ALPL: variants seen among roughly 807,000 people sequenced by gnomAD.
The protein encoded by ALPL is alkaline phosphatase, biomineralization associated, also known as alkaline phosphatase, tissue-nonspecific isozyme.
In ALPL, 42 loss-of-function variants were observed where a neutral mutation model predicts 51.3. That is an observed-to-expected ratio of 0.82 (90% CI 0.64 to 1.06). The LOEUF (loss-of-function observed/expected upper bound fraction) is 1.06. Among genes scored for constraint, ALPL ranks in the 50% least tolerant of loss-of-function variants. ALPL has a pLI of 0.00. For missense variants in ALPL, 589 were observed against 709.4 expected (o/e 0.83, Z 1.93); for synonymous variants, 279 against 296.4 (o/e 0.94, Z 0.60).
chr1:21,573,916 T>C, intron 9 of ALPL, 117 bp downstream of exon 9: 1 of 1,536,908 alleles, frequency 6.5e-7, no homozygotes, highest in South Asian at 1.2e-5. Context: ...GAGAGGTCCC[T>C]TTAGGAGAAT....
In ALPL at chr1:21,563,162, A is replaced by G. The variant is rs1374504617; in HGVS notation, c.350A>G (p.Tyr117Cys). Residue 117 changes from tyrosine to cysteine, a missense_variant, in exon 5 of 12, where the codon TAC becomes TGC. Coordinates refer to ENST00000374840, the MANE Select transcript of ALPL (RefSeq NM_000478.6). The part of the protein sequence containing the change: ...VPDSAGTATA[Y>C]LCGVKANEGT... ...GACAGTGCCGGCACCGCCACCGCCT[A>G]CCTGTGTGGGGTGAAGGCCAATGAG... 28 of 1,613,746 alleles carry G rather than the reference A, an allele frequency of 1.7e-5. No individual in the cohort carries two copies. Among genetic ancestry groups the G allele is most frequent in the Non-Finnish European group, 2.4e-5 (28 of 1,180,022 alleles).
rs1644367759 is a variant in ALPL at position 21,554,152 on chromosome 1, G to A, written c.61+10G>A. 4 of 1,613,414 alleles carry A rather than the reference G, an allele frequency of 2.5e-6. No individual in the cohort carries two copies. Among genetic ancestry groups the A allele is most frequent in the African/African-American group, 1.3e-5 (1 of 74,788 alleles). On this transcript the variant is annotated intron_variant, in intron 2 of 11. Coordinates refer to ENST00000374840, the MANE Select transcript of ALPL (RefSeq NM_000478.6). ...AACTCCTTAGTGCCAGGTATGCTTGGGGACACAGGTGGAGGCATAAAAAGG... is the reference window on the plus strand; with the variant it reads ...AACTCCTTAGTGCCAGGTATGCTTGAGGACACAGGTGGAGGCATAAAAAGG...
At chr1:21,521,994 C>T (rs902127609) in intron 1 of ALPL, among the ~76,000 whole-genome samples, 3 of 152,018 alleles carry the variant, frequency 2.0e-5, no homozygotes, top group African/African-American at 4.8e-5. Flanking sequence ...TGAAAGGTCA[C>T]TTGCATGACC....
intron 4 of ALPL, among the ~76,000 whole-genome samples, chr1:21,562,680 C>T (rs945002727): frequency 2.0e-5 from 3 of 151,920 alleles, no homozygotes; most frequent in Non-Finnish European, 4.4e-5. Context: ...CCTTCCCTTC[C>T]CCAGTCCCCT....
rs1177883341 is a variant in ALPL at position 21,520,217 on chromosome 1, T to C, written c.-105+10700T>C. Among the ~76,000 whole-genome samples, 8 of 152,268 alleles carry C rather than the reference T, an allele frequency of 5.3e-5. No homozygotes were observed. The East Asian group carries it at 1.5e-3, about 29-fold the overall frequency. ...ATAGTTGACTGCGGCCTTGACTTCCTGGGCTCAAGTGATCTCCTGCCTCAG... is the reference window on the plus strand; with the variant it reads ...ATAGTTGACTGCGGCCTTGACTTCCCGGGCTCAAGTGATCTCCTGCCTCAG... On this transcript the variant is annotated intron_variant, in intron 1 of 11. Coordinates refer to ENST00000374840, the MANE Select transcript of ALPL (RefSeq NM_000478.6).
intron 1 of ALPL, among the ~76,000 whole-genome samples, chr1:21,532,705 C>T (rs1435674195): frequency 6.6e-6 from 1 of 152,226 alleles, no homozygotes; most frequent in Non-Finnish European, 1.5e-5. Flanking sequence ...AAGACGTTCA[C>T]GGCTTCTGGA....
In ALPL at chr1:21,577,633, G is replaced by A. The variant is rs765641649; in HGVS notation, c.1560G>A (p.Leu520=). 3.1e-6 allele frequency: 5 copies of A among 1,598,494 alleles called. No individual in the cohort carries two copies. The highest frequency in any genetic ancestry group is 4.2e-6 in the Non-Finnish European group (5 of 1,179,210). The change falls in exon 12 of 12, where the codon CTG becomes CTA. Residue 520 remains leucine (L), a synonymous_variant. Transcript: ENST00000374840. ...PLLLALALYP[L]SVLF ...TGCTCGCGCTGGCCCTCTACCCCCT[G>A]AGCGTCCTGTTCTGAGGGCCCAGGG...
chr1:21,545,879 G>A (rs532388610), intron 1 of ALPL, among the ~76,000 whole-genome samples: 248 of 151,960 alleles, frequency 1.6e-3, no homozygotes, highest in African/African-American at 5.7e-3. Flanking sequence ...ACAGTGGCAC[G>A]ATCTCAGCTC....
intron 1 of ALPL, among the ~76,000 whole-genome samples, chr1:21,516,868 G>A (rs148985063): frequency 2.0e-3 from 308 of 152,234 alleles, no homozygotes; most frequent in African/African-American, 7.1e-3. Context: ...TTATACAGAT[G>A]CTCCTTGATT....
rs1461951231 is a variant in ALPL, at chr1:21,509,441, C to T, written c.-181C>T. On this transcript the variant is annotated 5_prime_UTR_variant, in exon 1 of 12. Transcript: ENST00000374840. The surrounding 1 kb of genome is among the most constrained non-coding windows in gnomAD (Gnocchi z 6.0). ...GGCCCGGGCCGCGTTGCGCTCCCGC[C>T]ACTCCGCGCCCGCTATCCTGGCTCC... The T allele has an allele frequency of 3.9e-5, 6 of 151,950 alleles. 1 individual carries two copies. Among genetic ancestry groups the T allele is most frequent in the Non-Finnish European group, 8.8e-5 (6 of 67,966 alleles). The allele number at this position is 151,950 out of a possible 1,614,324, so 9.4% of individuals were successfully genotyped here.
intron 10 of ALPL, among the ~76,000 whole-genome samples, chr1:21,576,277 GGATGGATGGGTGGA>G (rs1644734944): frequency 1.3e-5 from 2 of 149,130 alleles, no homozygotes; most frequent in South Asian, 4.3e-4. Flanking sequence ...ATGGGTGGAT[GGATGGATGGGTGGA>G]TGGATGGATG....
chr1:21,525,226 C>T (rs1414717169), intron 1 of ALPL, among the ~76,000 whole-genome samples: 1 of 152,228 alleles, frequency 6.6e-6, no homozygotes, highest in Non-Finnish European at 1.5e-5. Flanking sequence ...TCCCAGCTGG[C>T]CTCTGGCCAA....
intron 1 of ALPL, among the ~76,000 whole-genome samples, chr1:21,529,564 A>C (rs1156267157): frequency 1.3e-5 from 2 of 152,120 alleles, no homozygotes; most frequent in Non-Finnish European, 2.9e-5. Context: ...AAGCGTCCTC[A>C]AGCTAATAAC....
intron 1 of ALPL, among the ~76,000 whole-genome samples, chr1:21,515,637 C>T (rs1452483478): frequency 2.0e-5 from 3 of 152,236 alleles, no homozygotes; most frequent in Non-Finnish European, 2.9e-5. Context: ...GATCCACCCT[C>T]CTCGGCCTCG....
At chr1:21,553,185 G>A (rs978789389) in intron 1 of ALPL, among the ~76,000 whole-genome samples, 35 of 149,616 alleles carry the variant, frequency 2.3e-4, no homozygotes, top group African/African-American at 8.1e-4. Context: ...AATTACATCC[G>A]ACTTTAAATA....
chr1:21,536,900 T>A (rs1644114582), intron 1 of ALPL, among the ~76,000 whole-genome samples: 1 of 141,994 alleles, frequency 7.0e-6, no homozygotes, highest in Non-Finnish European at 1.5e-5. Context: ...CCTTTTTTTT[T>A]TTTTTTTTTT....
At chr1:21,536,635 C>A (rs1403925902) in intron 1 of ALPL, among the ~76,000 whole-genome samples, 1 of 152,098 alleles carries the variant, frequency 6.6e-6, no homozygotes, top group Non-Finnish European at 1.5e-5. Flanking sequence ...CCTCATAACC[C>A]AGCAAGCAGA....
intron 1 of ALPL, among the ~76,000 whole-genome samples, chr1:21,516,206 C>T (rs1643797021): frequency 6.6e-6 from 1 of 152,064 alleles, no homozygotes; most frequent in African/African-American, 2.4e-5. Flanking sequence ...GGATCTCATC[C>T]CCCTCCACCT....
chr1:21,509,352 G>C (rs1643632780), upstream of ALPL: 1 of 148,466 alleles, frequency 6.7e-6, no homozygotes, highest in African/African-American at 2.5e-5. The surrounding 1 kb of genome is among the most constrained non-coding windows in gnomAD (Gnocchi z 6.0). Context: ...GGGCGGGGGA[G>C]GGGGCGGGCT....
Sources: allele counts gnomAD v4.1 joint callset (sites outside exome capture counted in the v4.1 genomes callset), GRCh38; gene constraint gnomAD v4.1.1; non-coding constraint Gnocchi (gnomAD v3.1); transcripts MANE v1.5; gene names NCBI Gene and HGNC (gene_info 2026-07-23, HGNC 2026-07-21).